Variants in HECW2 observed in about 807,000 individuals in gnomAD.
HECW2 encodes the protein HECT, C2 and WW domain containing E3 ubiquitin protein ligase 2, also known as E3 ubiquitin-protein ligase HECW2.
HECW2 carries 61 observed loss-of-function variants against 175.2 expected under a neutral mutation model. The observed-to-expected ratio is 0.35, with a 90% CI of 0.28 to 0.43. The LOEUF (loss-of-function observed/expected upper bound fraction) is 0.43. Ranked by LOEUF, HECW2 falls within the 20% of genes least tolerant of loss-of-function variation. The pLI, the probability that HECW2 is intolerant of heterozygous loss-of-function variation, is 1.00. For synonymous variants in HECW2, 671 were observed against 731.0 expected, an observed-to-expected ratio of 0.92 and a Z score of 1.32; for missense variants, 1,524 against 2,000.5, an observed-to-expected ratio of 0.76 and a Z score of 4.54.
intron 1 of HECW2, among the ~76,000 whole-genome samples, chr2:196,561,858 T>A (rs2125500406): frequency 6.6e-6 from 1 of 152,302 alleles, no homozygotes; most frequent in Middle Eastern, 3.4e-3. Flanking sequence ...CAGAGCCTGA[T>A]GTCCTACCCT....
chr2:196,227,701 T>C (rs180784191), intron 22 of HECW2, among the ~76,000 whole-genome samples: 2 of 152,348 alleles, frequency 1.3e-5, no homozygotes, highest in East Asian at 3.9e-4. Context: ...AGGGCTGCTC[T>C]AGAAGCTGTC....
intron 13 of HECW2, among the ~76,000 whole-genome samples, chr2:196,293,337 C>G (rs1384180616): frequency 1.3e-5 from 2 of 152,222 alleles, no homozygotes; most frequent in Non-Finnish European, 2.9e-5. Context: ...TTATCTCATT[C>G]CTTTTCGTGG....
intron 12 of HECW2, 26 bp from the exon 13 acceptor site, chr2:196,306,638 G>A: frequency 6.3e-7 from 1 of 1,582,764 alleles, no homozygotes; most frequent in Non-Finnish European, 8.6e-7. Context: ...CACAGAGGCG[G>A]TCAGGGAAAT....
chr2:196,210,656 C>T (rs902492152), intron 28 of HECW2, among the ~76,000 whole-genome samples: 68 of 152,056 alleles, frequency 4.5e-4, no homozygotes, highest in African/African-American at 1.6e-3. Context: ...CTCTGTCACC[C>T]AGGCTGGAGT....
chr2:196,209,755 T>C (rs1687196089), intron 28 of HECW2, among the ~76,000 whole-genome samples: 2 of 142,528 alleles, frequency 1.4e-5, no homozygotes, highest in African/African-American at 5.4e-5. Flanking sequence ...TGGTTTTTCT[T>C]TCTTTCTTTC....
In HECW2 at chr2:196,212,301, A is replaced by G. The variant is rs1418893903; in HGVS notation, c.4607+3564T>C. On this transcript the variant is annotated intron_variant, in intron 28 of 28. Coordinates refer to ENST00000644978, the MANE Select transcript of HECW2 (RefSeq NM_001348768.2). ...TTACAGATTATTTTGTCACTCAGGT[A>G]TTAAGCCTAGTACCCATTAGTTATT... Among the ~76,000 whole-genome samples the G allele has an allele frequency of 2.0e-5, 3 of 152,024 alleles. No homozygotes were observed. In the East Asian group the frequency reaches 5.8e-4, roughly 29 times the overall value.
At chr2:196,507,350 AC>A (rs1687803568) in intron 1 of HECW2, among the ~76,000 whole-genome samples, 1 of 152,232 alleles carries the variant, frequency 6.6e-6, no homozygotes. Flanking sequence ...GTGTTACATA[AC>A]ATGACCAAAG....
rs1691870240 is a variant in HECW2, at chr2:196,319,766, T to A, written c.1124A>T (p.Asp375Val). 1 of 1,614,184 alleles carries A rather than the reference T, an allele frequency of 6.2e-7. No homozygotes were observed. The highest frequency in any genetic ancestry group is 8.5e-7 in the Non-Finnish European group (1 of 1,180,006). ...CTTGGGGGTTCCATCGGCAGCACTG[T>A]CCTCAGAAACTGGCCCATTAGAGCA... The part of the protein sequence containing the change: ...QVCSNGPVSE[D>V]SAADGTPKHS... Residue 375 changes from aspartate to valine, a missense_variant, in exon 9 of 29, where the codon GAC (aspartate) becomes GTC (valine). Asp to Val is a radical substitution (Grantham distance 152). Coordinates refer to ENST00000644978, the MANE Select transcript of HECW2 (RefSeq NM_001348768.2).
intron 2 of HECW2, among the ~76,000 whole-genome samples, chr2:196,360,308 A>G (rs1248439795): frequency 6.6e-6 from 1 of 152,228 alleles, no homozygotes; most frequent in African/African-American, 2.4e-5. Flanking sequence ...ATGCCCATCA[A>G]TGACAAATGG....
Position 196,466,554 on chromosome 2 carries a change from CAT to C in HECW2, c.-35-33098_-35-33097del, listed in dbSNP as rs1453186921. Among the ~76,000 whole-genome samples, 30 of 152,172 alleles carry C rather than the reference CAT, an allele frequency of 2.0e-4. 1 individual carries two copies. On this transcript the variant is annotated intron_variant, in intron 1 of 28. Transcript: ENST00000644978. The stretch of plus-strand genomic sequence containing the variant: ...TCACAGGGAAGAGACATAGGAAATG[CAT>C]AGAGAAGCAGGTGCAAAAATAATAC...
At chr2:196,231,532 T>C (rs1183033846) in intron 21 of HECW2, among the ~76,000 whole-genome samples, 1 of 152,234 alleles carries the variant, frequency 6.6e-6, no homozygotes, top group African/African-American at 2.4e-5. Context: ...CATTTATGTA[T>C]TGATGTTGTC....
rs766195169 is a variant in HECW2, at chr2:196,322,458, C to T, written c.884+20G>A. 16 of 1,601,026 alleles carry T rather than the reference C, an allele frequency of 1.0e-5. No homozygotes were observed. The highest frequency in any genetic ancestry group is 1.4e-5 in the Non-Finnish European group (16 of 1,174,966). On this transcript the variant is annotated intron_variant, in intron 7 of 28. Transcript: ENST00000644978. ...TATGAACTAATCTCAACAAGATCCCCAAAGGTAAGGGCTGATTACCCGATG... is the reference window on the plus strand; with the variant it reads ...TATGAACTAATCTCAACAAGATCCCTAAAGGTAAGGGCTGATTACCCGATG...
At chr2:196,388,607 T>C (rs985526655) in intron 2 of HECW2, among the ~76,000 whole-genome samples, 7 of 152,162 alleles carry the variant, frequency 4.6e-5, no homozygotes, top group Non-Finnish European at 8.8e-5. Context: ...CTTCAGAGTA[T>C]AGGTATGTAA....
intron 21 of HECW2, 60 bp downstream of exon 21, chr2:196,240,388 AG>A (rs1388402458): frequency 3.3e-6 from 4 of 1,208,052 alleles, no homozygotes; most frequent in African/African-American, 1.5e-5. Flanking sequence ...AGCGACGTGG[AG>A]AAACATCCGC....
At chr2:196,266,157 T>A in intron 17 of HECW2, among the ~76,000 whole-genome samples, 1 of 129,426 alleles carries the variant, frequency 7.7e-6, no homozygotes. Flanking sequence ...ATAGCAAGAC[T>A]CCATCTCTAT....
chr2:196,219,625 G>A (rs1039302986), intron 26 of HECW2, among the ~76,000 whole-genome samples: 19 of 152,180 alleles, frequency 1.2e-4, no homozygotes, highest in African/African-American at 3.6e-4. Flanking sequence ...GATAAGGAGC[G>A]TAGTGAACAG....
chr2:196,331,110 C>T (rs1191974398), intron 4 of HECW2: 1 of 981,258 alleles, frequency 1.0e-6, no homozygotes, highest in Non-Finnish European at 1.2e-6. Context: ...CTTAGTCAAA[C>T]TATTTTGTGT....
At chr2:196,411,776 C>T (rs899275861) in intron 2 of HECW2, among the ~76,000 whole-genome samples, 11 of 152,170 alleles carry the variant, frequency 7.2e-5, no homozygotes, top group African/African-American at 2.2e-4. Context: ...TTTGGGAGGC[C>T]GAGGTGGGCA....
intron 1 of HECW2, among the ~76,000 whole-genome samples, chr2:196,486,695 A>C (rs1041924438): frequency 6.6e-6 from 1 of 152,182 alleles, no homozygotes; most frequent in East Asian, 1.9e-4. Flanking sequence ...TAATGAATAG[A>C]ATGATATTTT....
Sources: allele counts gnomAD v4.1 joint callset (sites outside exome capture counted in the v4.1 genomes callset), GRCh38; gene constraint gnomAD v4.1.1; transcripts MANE v1.5; gene names NCBI Gene and HGNC (gene_info 2026-07-23, HGNC 2026-07-21).